Variants in UNC13C observed in about 807,000 individuals in gnomAD.
UNC13C encodes protein unc-13 homolog C.
In UNC13C, 174 loss-of-function variants were observed where a neutral mutation model predicts 245.4. The observed-to-expected ratio is 0.71, with a 90% confidence interval of 0.63 to 0.80. UNC13C has a LOEUF of 0.80. UNC13C is among the 30% of genes least tolerant of loss of function. The pLI, the probability that UNC13C is intolerant of heterozygous loss-of-function variation, is 0.00. For synonymous variants in UNC13C, 992 were observed against 895.1 expected, an observed-to-expected ratio of 1.11 and a Z score of -1.93; for missense variants, 2,829 against 2,602.9, an observed-to-expected ratio of 1.09 and a Z score of -1.89.
At chr15:54,278,501 A>G (rs1404640991) in intron 10 of UNC13C, among the ~76,000 whole-genome samples, 3 of 152,136 alleles carry the variant, frequency 2.0e-5, no homozygotes, top group Non-Finnish European at 2.9e-5. Flanking sequence ...CTGTTCTCAA[A>G]TGAATCAAAT....
At chr15:53,861,487 A>G in the UNC13C span, among the ~76,000 whole-genome samples, 1 of 152,110 alleles carries the variant, frequency 6.6e-6, no homozygotes, top group Admixed American at 6.6e-5. Context: ...ATAAAAATAT[A>G]TCATCTTTAT....
At chr15:54,206,817 G>A (rs543765460) in intron 4 of UNC13C, among the ~76,000 whole-genome samples, 9 of 152,192 alleles carry the variant, frequency 5.9e-5, no homozygotes, top group African/African-American at 1.4e-4. Flanking sequence ...AAATTATAGC[G>A]AAGTGAAACT....
At chr15:53,907,630 G>C in the UNC13C span, among the ~76,000 whole-genome samples, 1 of 152,218 alleles carries the variant, frequency 6.6e-6, no homozygotes, top group South Asian at 2.1e-4. Context: ...TTATTAAAAA[G>C]TTCCTATAGT....
At chr15:53,879,168 C>T in the UNC13C span, among the ~76,000 whole-genome samples, 2 of 152,064 alleles carry the variant, frequency 1.3e-5, no homozygotes, top group African/African-American at 4.8e-5. Flanking sequence ...TTCATTGATT[C>T]ATTTATTTTT....
chr15:53,903,642 C>T, the UNC13C span, among the ~76,000 whole-genome samples: 4 of 152,112 alleles, frequency 2.6e-5, no homozygotes, highest in Non-Finnish European at 4.4e-5. Flanking sequence ...ATCAGTGACA[C>T]GACTGTTCAA....
chr15:54,261,868 A>G (rs1487494903), intron 8 of UNC13C, among the ~76,000 whole-genome samples: 3 of 152,156 alleles, frequency 2.0e-5, no homozygotes, highest in Admixed American at 6.5e-5. Context: ...TAAAAGCTAC[A>G]TATTTTTTTT....
intron 4 of UNC13C, among the ~76,000 whole-genome samples, chr15:54,212,980 T>C (rs964086158): frequency 2.0e-5 from 3 of 152,078 alleles, no homozygotes; most frequent in Non-Finnish European, 4.4e-5. Context: ...CATTTTGGAT[T>C]AGAGACATAA....
intron 22 of UNC13C, 51 bp downstream of exon 22, chr15:54,501,029 A>C (rs1416495650): frequency 1.6e-5 from 25 of 1,584,652 alleles, no homozygotes; most frequent in Admixed American, 3.4e-5. Context: ...TGGCAATCTG[A>C]AAAATGCTAT....
At chr15:54,231,072 C>T (rs1489786113) in intron 4 of UNC13C, among the ~76,000 whole-genome samples, 3 of 151,928 alleles carry the variant, frequency 2.0e-5, no homozygotes, top group African/African-American at 7.2e-5. Context: ...CTAAGAAGAA[C>T]ACTTGAATAC....
intron 10 of UNC13C, among the ~76,000 whole-genome samples, chr15:54,267,729 T>C (rs1358699111): frequency 6.6e-6 from 1 of 152,088 alleles, no homozygotes; most frequent in Non-Finnish European, 1.5e-5. Flanking sequence ...TGGTTTATGA[T>C]TTCACATGGT....
chr15:54,056,163 A>C (rs975611355), intron 2 of UNC13C, among the ~76,000 whole-genome samples: 1 of 152,176 alleles, frequency 6.6e-6, no homozygotes, highest in African/African-American at 2.4e-5. Flanking sequence ...AACTACTCCG[A>C]GCTAAAGGAG....
At chr15:54,156,617 C>T (rs148097673) in intron 4 of UNC13C, among the ~76,000 whole-genome samples, 68 of 152,006 alleles carry the variant, frequency 4.5e-4, no homozygotes, top group African/African-American at 1.6e-3. Flanking sequence ...AAGGAAAACA[C>T]GGATTACATG....
chr15:54,172,545 T>C (rs1356907166), intron 4 of UNC13C, among the ~76,000 whole-genome samples: 1 of 151,358 alleles, frequency 6.6e-6, no homozygotes, highest in Non-Finnish European at 1.5e-5. Flanking sequence ...TACCGTTGTA[T>C]AAATTATACC....
At chr15:54,604,963 C>A (rs1899684789) in intron 30 of UNC13C, among the ~76,000 whole-genome samples, 1 of 97,372 alleles carries the variant, frequency 1.0e-5, no homozygotes, top group Admixed American at 1.0e-4. Flanking sequence ...AAATAAAGTA[C>A]AACTGGGGGA....
At chr15:54,338,593 C>A in intron 17 of UNC13C, 104 bp downstream of exon 17, 1 of 1,274,190 alleles carries the variant, frequency 7.8e-7, no homozygotes, top group Non-Finnish European at 1.1e-6. Flanking sequence ...CATTTAATTT[C>A]ACATTAACTG....
upstream of UNC13C, among the ~76,000 whole-genome samples, chr15:53,975,601 C>G (rs756629721): frequency 5.3e-5 from 8 of 152,158 alleles, no homozygotes; most frequent in Non-Finnish European, 1.0e-4. Flanking sequence ...GATATACAGG[C>G]CATGACACAA....
At chr15:54,168,902 A>G (rs1298628227) in intron 4 of UNC13C, among the ~76,000 whole-genome samples, 1 of 152,240 alleles carries the variant, frequency 6.6e-6, no homozygotes, top group Non-Finnish European at 1.5e-5. Context: ...AATTAGCAAT[A>G]ATCACCAAGA....
intron 24 of UNC13C, among the ~76,000 whole-genome samples, chr15:54,516,178 C>G (rs1233265752): frequency 6.6e-6 from 1 of 152,138 alleles, no homozygotes; most frequent in Admixed American, 6.6e-5. Flanking sequence ...CTAAGCAACC[C>G]TAGACCAGGA....
At chr15:54,530,131 C>A in intron 25 of UNC13C, among the ~76,000 whole-genome samples, 1 of 152,152 alleles carries the variant, frequency 6.6e-6, no homozygotes, top group Non-Finnish European at 1.5e-5. Flanking sequence ...GCATTCAACA[C>A]ATATTTCCTT....
Sources: allele counts gnomAD v4.1 joint callset (sites outside exome capture counted in the v4.1 genomes callset), GRCh38; gene constraint gnomAD v4.1.1; transcripts MANE v1.5; gene names NCBI Gene and HGNC (gene_info 2026-07-23, HGNC 2026-07-21).